Variants in TCFL5 observed in about 807,000 individuals in gnomAD.
TCFL5 encodes transcription factor like 5, also known as transcription factor-like 5 protein.
Under a neutral mutation model 44.3 loss-of-function variants are expected in TCFL5, and 9 were observed. That is an observed-to-expected ratio of 0.20 (90% CI 0.12 to 0.35). TCFL5 has a LOEUF of 0.35. Among genes scored for constraint, TCFL5 ranks in the 10% least tolerant of loss-of-function variants. TCFL5 has a pLI of 1.00. For synonymous variants in TCFL5, 319 were observed against 271.6 expected, an observed-to-expected ratio of 1.17 and a Z score of -1.72; for missense variants, 603 against 613.4, an observed-to-expected ratio of 0.98 and a Z score of 0.18.
rs935233980 is a variant in TCFL5 at position 62,860,401 on chromosome 20, G to C, written c.648-93C>G. On this transcript the variant is annotated intron_variant, in intron 1 of 5. Coordinates refer to ENST00000335351, the MANE Select transcript of TCFL5 (RefSeq NM_006602.4). Reference sequence around the variant, plus strand: ...CCCATGGCTCTGGCTAGTTTTTCCAGACAGCAACCCAACTCTCATCCTGGA... The same window carrying C: ...CCCATGGCTCTGGCTAGTTTTTCCACACAGCAACCCAACTCTCATCCTGGA... 4 of 1,134,140 alleles carry C rather than the reference G, an allele frequency of 3.5e-6. No homozygotes were observed. In the Admixed American group the frequency reaches 8.8e-5, roughly 25 times the overall value. 70.3% of individuals were successfully genotyped at this position (1,134,140 alleles called of 1,614,324 possible). A position where few individuals can be genotyped will look rare whatever the true frequency, so the allele number is the denominator to read the frequency against.
chr20:62,852,026 G>A (rs752116888), intron 5 of TCFL5: 139 of 963,982 alleles, frequency 1.4e-4, no homozygotes, highest in Non-Finnish European at 1.7e-4. Context: ...AGCTGGTCTC[G>A]AACTCCTGGC....
chr20:62,858,649 G>A (rs2063934043), intron 3 of TCFL5, among the ~76,000 whole-genome samples: 1 of 144,662 alleles, frequency 6.9e-6, no homozygotes, highest in East Asian at 2.1e-4. Flanking sequence ...GTGTTTCCCA[G>A]GGAGGAAGGG....
chr20:62,855,665 C>G (rs1376917810), intron 4 of TCFL5, among the ~76,000 whole-genome samples: 2 of 152,198 alleles, frequency 1.3e-5, no homozygotes. Context: ...ACTCAGGAGG[C>G]TGAGGCAGGA....
chr20:62,848,318 A>T (rs1600834148), intron 5 of TCFL5, among the ~76,000 whole-genome samples: 1 of 152,224 alleles, frequency 6.6e-6, no homozygotes, highest in Non-Finnish European at 1.5e-5. Flanking sequence ...AAACACAACC[A>T]GCGCCCCAGA....
chr20:62,849,749 A>G lies in TCFL5; in HGVS notation c.1380+4267T>C, dbSNP rs536051149. 1.5e-3 allele frequency among the ~76,000 whole-genome samples: 222 copies of G among 152,308 alleles called. 1 individual carries two copies. The highest frequency in any genetic ancestry group is 2.2e-3 in the Non-Finnish European group (149 of 68,014). Reference sequence around the variant, plus strand: ...TGAGGCAGGAGGATCACTTGAGCCCAGAAGTATGAGACCAGCCTGTGAAAC... The same window carrying G: ...TGAGGCAGGAGGATCACTTGAGCCCGGAAGTATGAGACCAGCCTGTGAAAC... On this transcript the variant is annotated intron_variant, in intron 5 of 5. Transcript: ENST00000335351.
rs1262385083 is a variant in TCFL5 at position 62,843,938 on chromosome 20, CTGAG to C, written c.1381-1845_1381-1842del. Among the ~76,000 whole-genome samples, 6 of 152,218 alleles carry C rather than the reference CTGAG, an allele frequency of 3.9e-5. No homozygotes were observed. The East Asian group carries it at 5.8e-4, about 15-fold the overall frequency. On this transcript the variant is annotated intron_variant, in intron 5 of 5. Coordinates refer to ENST00000335351, the MANE Select transcript of TCFL5 (RefSeq NM_006602.4). ...GTCAGAATTTCATTCCTTTTCATGG[CTGAG>C]TAAGATTCTGTTGTGTGCTTGTAAC...
intron 5 of TCFL5, among the ~76,000 whole-genome samples, chr20:62,849,375 T>C (rs991868549): frequency 1.3e-5 from 2 of 152,124 alleles, no homozygotes; most frequent in African/African-American, 2.4e-5. Flanking sequence ...CAACAGTAAA[T>C]AGAGCCATCT....
Position 62,861,572 on chromosome 20 carries a change from G to T in TCFL5, c.99C>A (p.Gly33=), listed in dbSNP as rs768602415. The T allele has an allele frequency of 1.8e-6, 2 of 1,098,240 alleles. No individual in the cohort carries two copies. Among genetic ancestry groups the T allele is most frequent in the Non-Finnish European group, 2.2e-6 (2 of 896,276 alleles). The allele number at this position is 1,098,240 out of a possible 1,614,324, so 68.0% of individuals were successfully genotyped here. Residue 33 remains glycine, a synonymous_variant, in exon 1 of 6, where the codon GGC becomes GGA. Transcript: ENST00000335351. The surrounding 1 kb of genome is among the most constrained non-coding windows in gnomAD (Gnocchi z 4.0). ...EGAGGGDAAL[G]EPGLSFTTTD... is the part of the protein sequence containing the mutation. ...TGGTCGTGAAGCTCAGCCCCGGCTC[G>T]CCCAGCGCCGCGTCCCCGCCGCCCG...
At chr20:62,856,705 CAA>C (rs11470406) in intron 4 of TCFL5, among the ~76,000 whole-genome samples, 12,610 of 99,998 alleles carry the variant, frequency 0.13, 1,461 homozygotes, top group African/African-American at 0.38. Flanking sequence ...GACTCCGTCT[CAA>C]AAAAAAAAAA....
chr20:62,859,714 T>C (rs2063957472), intron 2 of TCFL5, among the ~76,000 whole-genome samples, 188 bp from the exon 3 acceptor site: 1 of 143,970 alleles, frequency 6.9e-6, no homozygotes, highest in African/African-American at 2.8e-5. Flanking sequence ...TATTTTTTTG[T>C]TTTTGTTTTT....
Position 62,860,142 on chromosome 20 carries a change from T to G in TCFL5, c.814A>C (p.Asn272His), listed in dbSNP as rs17854409. 64 of 1,608,712 alleles carry G rather than the reference T, an allele frequency of 4.0e-5. No homozygotes were observed. The highest frequency in any genetic ancestry group is 5.3e-5 in the Non-Finnish European group (62 of 1,175,582). The change falls in exon 2 of 6, where the codon AAT becomes CAT. Residue 272 changes from asparagine (N) to histidine (H), a missense_variant. Around this residue, in one of 4 missense-constraint regions of TCFL5, gnomAD observed 540 missense variants for 478.7 expected, o/e 1.13. Transcript: ENST00000335351. ...TTCCCTACCTGTGTCTGTGAAAGAT[T>G]AGAATTTCCACTAGTAGAGCAAGCA... ...TNACSTSGNS[N>H]LSQTQSSSNS...
At chr20:62,857,248 T>C in intron 4 of TCFL5, 147 bp downstream of exon 4, 1 of 1,167,272 alleles carries the variant, frequency 8.6e-7, no homozygotes, top group Non-Finnish European at 1.2e-6. Context: ...TGGGGGATCC[T>C]TGATCCATCT....
rs1232352362 is a variant in TCFL5 at position 62,861,648 on chromosome 20, T to A, written c.23A>T (p.Glu8Val). 4 of 939,690 alleles carry A rather than the reference T, an allele frequency of 4.3e-6. No homozygotes were observed. The highest frequency in any genetic ancestry group is 1.8e-5 in the African/African-American group (1 of 54,756). The allele number at this position is 939,690 out of a possible 1,614,324, so 58.2% of individuals were successfully genotyped here. Residue 8 changes from glutamate (E) to valine (V), a missense_variant, in exon 1 of 6, where the codon GAG becomes GTG. Transcript: ENST00000335351. The surrounding 1 kb of genome is among the most constrained non-coding windows in gnomAD (Gnocchi z 4.0). ...TGCCGCGCCTGCCTCCGGCGGCGGC[T>A]CCCGCGGTCCGGGGCCCGACATGGC... MSGPGPR[E>V]PPPEAGAAGG...
chr20:62,851,225 G>C (rs541677000), intron 5 of TCFL5, among the ~76,000 whole-genome samples: 1 of 152,128 alleles, frequency 6.6e-6, no homozygotes, highest in Admixed American at 6.5e-5. Flanking sequence ...AAAAAATTGT[G>C]AACTGACTTG....
intron 5 of TCFL5, 146 bp downstream of exon 5, chr20:62,853,870 G>A: frequency 1.2e-6 from 1 of 806,296 alleles, no homozygotes; most frequent in South Asian, 1.7e-5. Context: ...TATCATTAAA[G>A]AGCAGAGCTT....
In TCFL5 at chr20:62,857,649, G is replaced by A. The variant is rs1332823376; in HGVS notation, c.995-11C>T. ...TGCATAGCGCTGCTTCTTTGCGAAAGAAGAAAAAAGTGGTTTTTAATTTTG... is the reference window on the plus strand; with the variant it reads ...TGCATAGCGCTGCTTCTTTGCGAAAAAAGAAAAAAGTGGTTTTTAATTTTG... On this transcript the variant is annotated splice_polypyrimidine_tract_variant and intron_variant, in intron 3 of 5. Coordinates refer to ENST00000335351, the MANE Select transcript of TCFL5 (RefSeq NM_006602.4). The A allele has an allele frequency of 6.9e-6, 11 of 1,599,932 alleles. No homozygotes were observed. The highest frequency in any genetic ancestry group is 3.5e-5 in the Admixed American group (2 of 57,194).
At chr20:62,845,143 T>C in intron 5 of TCFL5, 1 of 984,470 alleles carries the variant, frequency 1.0e-6, no homozygotes, top group Non-Finnish European at 1.2e-6. Context: ...TTTTTGGATA[T>C]GGAGTTTCAC....
rs2063682356 is a variant in TCFL5 at position 62,841,759 on chromosome 20, C to T, written c.*216G>A. 1 of 400,078 alleles carries T rather than the reference C, an allele frequency of 2.5e-6. No individual in the cohort carries two copies. Among genetic ancestry groups the T allele is most frequent in the Non-Finnish European group, 4.3e-6 (1 of 230,180 alleles). The allele number at this position is 400,078 out of a possible 1,614,324, so 24.8% of individuals were successfully genotyped here. A position where few individuals can be genotyped will look rare whatever the true frequency, so the allele number is the denominator to read the frequency against. ...TTACTAATTATTAAGATGGCTTCATCCCCAAATGGTCTAAGAGGACATTCA... is the reference window on the plus strand; with the variant it reads ...TTACTAATTATTAAGATGGCTTCATTCCCAAATGGTCTAAGAGGACATTCA... On this transcript the variant is annotated 3_prime_UTR_variant, in exon 6 of 6. Transcript: ENST00000335351.
intron 5 of TCFL5, among the ~76,000 whole-genome samples, chr20:62,853,132 T>C (rs2063837832): frequency 7.0e-6 from 1 of 142,748 alleles, no homozygotes; most frequent in African/African-American, 2.7e-5. Flanking sequence ...AGAAGTACAG[T>C]CACCCGGTCC....
Sources: allele counts gnomAD v4.1 joint callset (sites outside exome capture counted in the v4.1 genomes callset), GRCh38; gene constraint gnomAD v4.1.1; regional missense constraint gnomAD v4.1.1; non-coding constraint Gnocchi (gnomAD v3.1); transcripts MANE v1.5; gene names NCBI Gene and HGNC (gene_info 2026-07-23, HGNC 2026-07-21).